VPS37A: variants seen among roughly 807,000 people sequenced by gnomAD.
VPS37A encodes VPS37A subunit of ESCRT-I, also known as vacuolar protein sorting-associated protein 37A.
Under a neutral mutation model 49.8 loss-of-function variants are expected in VPS37A, and 30 were observed. The ratio of observed to expected loss-of-function variants is 0.60; its 90% CI spans 0.45 to 0.82. The LOEUF is 0.82. Ranked by LOEUF, VPS37A falls within the 40% of genes least tolerant of loss-of-function variation. The pLI is 0.00. For synonymous variants in VPS37A, 195 were observed against 160.6 expected (o/e 1.21, Z -1.62); for missense variants, 593 against 464.4 (o/e 1.28, Z -2.55).
At chr8:17,327,255 A>T in the VPS37A span, among the ~76,000 whole-genome samples, 1 of 152,098 alleles carries the variant, frequency 6.6e-6, no homozygotes, top group Non-Finnish European at 1.5e-5. Flanking sequence ...ACTACTATCA[A>T]CATAGGCATG....
At chr8:17,311,538 A>AG in the VPS37A span, 1 of 1,614,004 alleles carries the variant, frequency 6.2e-7, no homozygotes, top group Non-Finnish European at 8.5e-7. Flanking sequence ...TCCGGTAGTG[A>AG]GGGTCCAGCA....
Position 17,247,263 on chromosome 8 carries a change from C to A in VPS37A, c.19C>A (p.Leu7Met), listed in dbSNP as rs774257401. 2 of 1,571,456 alleles carry A rather than the reference C, an allele frequency of 1.3e-6. No homozygotes were observed. The highest frequency in any genetic ancestry group is 2.4e-5 in the East Asian group (1 of 42,214). The stretch of plus-strand genomic sequence containing the variant: ...GAGGAGGATGAGCTGGCTTTTTCCC[C>A]TGACCAAGAGCGCCTCCTCCTCCGC... MSWLFP[L>M]TKSASSSAAG... Residue 7 changes from leucine to methionine, a missense_variant, in exon 1 of 12, where the codon CTG (leucine) becomes ATG (methionine). Coordinates refer to ENST00000324849, the MANE Select transcript of VPS37A (RefSeq NM_152415.3).
At chr8:17,251,784 T>C (rs1812004607) in intron 1 of VPS37A, among the ~76,000 whole-genome samples, 1 of 152,226 alleles carries the variant, frequency 6.6e-6, no homozygotes, top group African/African-American at 2.4e-5. Flanking sequence ...GTCTTTAAAA[T>C]TTGTTTTAAT....
downstream of VPS37A, chr8:17,305,991 A>G (rs372182218): frequency 1.4e-5 from 22 of 1,537,660 alleles, no homozygotes; most frequent in Admixed American, 2.2e-4. Context: ...TTTTTAAGGC[A>G]GATTTATTTT....
At chr8:17,309,965 GTATT>G in the VPS37A span, among the ~76,000 whole-genome samples, 1 of 152,046 alleles carries the variant, frequency 6.6e-6, no homozygotes, top group East Asian at 1.9e-4. Context: ...TTATTTTTAA[GTATT>G]TATTTTGGTT....
the VPS37A span, among the ~76,000 whole-genome samples, chr8:17,318,034 G>A: frequency 1.5e-3 from 226 of 152,064 alleles, 2 homozygotes; most frequent in Middle Eastern, 3.4e-3. Context: ...GCAGAAGCTG[G>A]AACTGAGACT....
the VPS37A span, among the ~76,000 whole-genome samples, chr8:17,317,722 T>C: frequency 6.6e-6 from 1 of 152,206 alleles, no homozygotes; most frequent in Non-Finnish European, 1.5e-5. Flanking sequence ...ATGGCTCGAA[T>C]TCCAGAGATT....
chr8:17,331,402 A>G, the VPS37A span: 295,433 of 1,066,264 alleles, frequency 0.28, 48,464 homozygotes, highest in African/African-American at 0.55. Flanking sequence ...GAAACATAAT[A>G]CGCTTATTTG....
intron 1 of VPS37A, chr8:17,248,239 A>G: frequency 2.3e-6 from 1 of 431,866 alleles, no homozygotes; most frequent in South Asian, 1.7e-5. Flanking sequence ...TAAAGATGAC[A>G]ACATTGTTAA....
rs1318921646 is a variant in VPS37A, at chr8:17,247,205, CAG to C, written c.-37_-36del. ...GGCCGAGCCACTGGGAGAAGCAGGCCAGAGCCTTCCAGGGCCTCCGGCCCGTG... is the reference window on the plus strand; with the variant it reads ...GGCCGAGCCACTGGGAGAAGCAGGCCAGCCTTCCAGGGCCTCCGGCCCGTG... On this transcript the variant is annotated 5_prime_UTR_variant, in exon 1 of 12. Coordinates refer to ENST00000324849, the MANE Select transcript of VPS37A (RefSeq NM_152415.3). The C allele has an allele frequency of 4.5e-6, 7 of 1,558,472 alleles. No individual in the cohort carries two copies. The East Asian group carries it at 1.7e-4, about 38-fold the overall frequency.
At chr8:17,290,814 T>G (rs113169537) in intron 11 of VPS37A, among the ~76,000 whole-genome samples, 4,020 of 152,218 alleles carry the variant, frequency 0.026, 186 homozygotes, top group African/African-American at 0.091. Flanking sequence ...GTACTGGGCT[T>G]TTTTTGGTTG....
downstream of VPS37A, among the ~76,000 whole-genome samples, chr8:17,300,919 G>C (rs546799474): frequency 5.3e-5 from 8 of 152,316 alleles, no homozygotes; most frequent in South Asian, 1.5e-3. Context: ...TATGTTCTCA[G>C]AATTCATTCA....
chr8:17,286,753 G>C (rs1238523061), intron 11 of VPS37A: 1 of 191,170 alleles, frequency 5.2e-6, no homozygotes, highest in African/African-American at 2.3e-5. Context: ...ACATTTCTCA[G>C]AAGGCTCCTT....
intron 1 of VPS37A, among the ~76,000 whole-genome samples, chr8:17,252,383 C>T (rs180689410): frequency 6.6e-6 from 1 of 152,104 alleles, no homozygotes; most frequent in African/African-American, 2.4e-5. Context: ...GCTATGTTGC[C>T]CAGGCTTGTC....
chr8:17,310,447 G>C, the VPS37A span, among the ~76,000 whole-genome samples: 27,462 of 152,166 alleles, frequency 0.18, 2,566 homozygotes, highest in Non-Finnish European at 0.21. Flanking sequence ...TCTTTGGGTT[G>C]TAAGTTTAAT....
At chr8:17,273,398 C>G (rs1814195916) in intron 4 of VPS37A, among the ~76,000 whole-genome samples, 1 of 151,962 alleles carries the variant, frequency 6.6e-6, no homozygotes, top group Non-Finnish European at 1.5e-5. Flanking sequence ...CTATACAATC[C>G]CTATTTTCCC....
intron 5 of VPS37A, 85 bp downstream of exon 5, chr8:17,275,043 G>GATAATAAGTTAGACACAAAAT (rs1814386143): frequency 1.6e-6 from 2 of 1,257,490 alleles, no homozygotes; most frequent in East Asian, 4.7e-5. Flanking sequence ...CTGTGTGCCA[G>GATAATAAGTTAGACACAAAAT]ATAATAAGTT....
chr8:17,268,266 C>G lies in VPS37A; in HGVS notation c.209C>G (p.Pro70Arg). 1 of 1,611,478 alleles carries G rather than the reference C, an allele frequency of 6.2e-7. No individual in the cohort carries two copies. Among genetic ancestry groups the G allele is most frequent in the Non-Finnish European group, 8.5e-7 (1 of 1,179,040 alleles). Reference protein sequence around the residue: ...NLTININILLPPQFPQEKPVI... With the variant: ...NLTININILLRPQFPQEKPVI... ...TGTTCTACCTCTACCAGATTGCTTC[C>G]TCCACAGTTTCCTCAGGAAAAACCA... is the stretch of plus-strand genomic sequence containing the variant. The change falls in exon 3 of 12, where the codon CCT (proline) becomes CGT (arginine). Residue 70 changes from proline (P) to arginine (R), a missense_variant. Physicochemically the swap from Pro to Arg is moderately radical, Grantham distance 103. Transcript: ENST00000324849.
At chr8:17,303,579 C>T (rs1386570061), downstream of VPS37A, among the ~76,000 whole-genome samples, 1 of 151,356 alleles carries the variant, frequency 6.6e-6, no homozygotes, top group African/African-American at 2.4e-5. Flanking sequence ...GGATGCCACC[C>T]TGCTCTCCCC....
Sources: allele counts gnomAD v4.1 joint callset (sites outside exome capture counted in the v4.1 genomes callset), GRCh38; gene constraint gnomAD v4.1.1; transcripts MANE v1.5; gene names NCBI Gene and HGNC (gene_info 2026-07-23, HGNC 2026-07-21).